ABCD2: variants seen among roughly 807,000 people sequenced by gnomAD.
ABCD2 encodes the protein ATP binding cassette subfamily D member 2, also known as ATP-binding cassette sub-family D member 2.
Under a neutral mutation model 70.9 loss-of-function variants are expected in ABCD2, and 36 were observed. The observed-to-expected ratio is 0.51, with a 90% CI of 0.39 to 0.67. ABCD2 has a LOEUF of 0.67. Among genes scored for constraint, ABCD2 ranks in the 30% least tolerant of loss-of-function variants. ABCD2 has a pLI of 0.00. For missense variants in ABCD2, 729 were observed against 890.2 expected (o/e 0.82, Z 2.30); for synonymous variants, 304 against 306.9 (o/e 0.99, Z 0.10).
chr12:39,583,669 C>A (rs1346011702), intron 7 of ABCD2, among the ~76,000 whole-genome samples: 1 of 152,122 alleles, frequency 6.6e-6, no homozygotes, highest in Non-Finnish European at 1.5e-5. Flanking sequence ...TCTCCCTCCT[C>A]CTACCCTCCA....
Position 39,619,781 on chromosome 12 carries a change from A to G in ABCD2, c.-166T>C. On this transcript the variant is annotated 5_prime_UTR_variant, in exon 1 of 10. Coordinates refer to ENST00000308666, the MANE Select transcript of ABCD2 (RefSeq NM_005164.4). ...TTTGTTCTGCTGTGACAGATGCAGC[A>G]GAGCTCAGACTCCGCTGCATCTACC... 1.6e-6 allele frequency: 1 copy of G among 639,384 alleles called. No individual in the cohort carries two copies. 39.6% of individuals were successfully genotyped at this position (639,384 alleles called of 1,614,324 possible).
intron 9 of ABCD2, among the ~76,000 whole-genome samples, chr12:39,568,729 T>C (rs1250015747): frequency 6.6e-6 from 1 of 152,206 alleles, no homozygotes; most frequent in Non-Finnish European, 1.5e-5. Flanking sequence ...CCAGTTTTTC[T>C]GCTCTGTTTT....
At chr12:39,605,013 T>C (rs1209045881) in intron 3 of ABCD2, 83 bp from the exon 4 acceptor site, 9 of 1,148,394 alleles carry the variant, frequency 7.8e-6, no homozygotes, top group Non-Finnish European at 1.1e-5. Flanking sequence ...ATAAGCTTCT[T>C]GACTTAATGT....
chr12:39,619,533 G>A lies in ABCD2; in HGVS notation c.83C>T (p.Ala28Val). 2 of 1,611,838 alleles carry A rather than the reference G, an allele frequency of 1.2e-6. No homozygotes were observed. Among genetic ancestry groups the A allele is most frequent in the Non-Finnish European group, 1.7e-6 (2 of 1,180,012 alleles). Residue 28 changes from alanine to valine, a missense_variant, in exon 1 of 10, where the codon GCT becomes GTT. This residue lies in a region of ABCD2 where 245 missense variants were observed against 261.2 expected (regional missense o/e 0.94). Transcript: ENST00000308666. Reference protein sequence around the residue: ...SAAKRAACLVAAAYALKTLYP... With the variant: ...SAAKRAACLVVAAYALKTLYP... Reference sequence around the variant, plus strand: ...GAGGGTTTTCAGAGCATATGCCGCAGCCACCAGGCAGGCAGCCCTCTTAGC... The same window carrying A: ...GAGGGTTTTCAGAGCATATGCCGCAACCACCAGGCAGGCAGCCCTCTTAGC...
intron 9 of ABCD2, among the ~76,000 whole-genome samples, chr12:39,555,361 G>T (rs1315838315): frequency 6.6e-6 from 1 of 152,124 alleles, no homozygotes; most frequent in Non-Finnish European, 1.5e-5. Flanking sequence ...GGAGGAAGAT[G>T]GTGGAATAGG....
the ABCD2 span, among the ~76,000 whole-genome samples, chr12:39,531,887 C>T: frequency 6.6e-6 from 1 of 152,258 alleles, no homozygotes; most frequent in Non-Finnish European, 1.5e-5. Flanking sequence ...ATTGAAAAAT[C>T]GCTGAACGTT....
chr12:39,600,170 G>A (rs945014859), intron 6 of ABCD2, among the ~76,000 whole-genome samples: 4 of 152,042 alleles, frequency 2.6e-5, no homozygotes, highest in African/African-American at 9.7e-5. Context: ...AAATATAAAT[G>A]AACAATTTTA....
chr12:39,586,714 A>C (rs1056604144), intron 6 of ABCD2, among the ~76,000 whole-genome samples: 1 of 152,170 alleles, frequency 6.6e-6, no homozygotes, highest in Non-Finnish European at 1.5e-5. Flanking sequence ...CATTTTCAGC[A>C]GGGAAATATT....
chr12:39,544,423 A>G, the ABCD2 span, among the ~76,000 whole-genome samples: 42 of 152,284 alleles, frequency 2.8e-4, no homozygotes, highest in African/African-American at 9.4e-4. Context: ...TCCTACAAAG[A>G]CAATCTAGTC....
intron 7 of ABCD2, among the ~76,000 whole-genome samples, chr12:39,584,913 T>C (rs569240850): frequency 6.6e-6 from 1 of 152,324 alleles, no homozygotes; most frequent in Non-Finnish European, 1.5e-5. Flanking sequence ...CTGTTTTGGT[T>C]ACTGTAGACT....
At chr12:39,534,940 G>T in the ABCD2 span, among the ~76,000 whole-genome samples, 81 of 107,230 alleles carry the variant, frequency 7.6e-4, 1 homozygote, top group African/African-American at 2.6e-3. Flanking sequence ...AAGAAAGAAA[G>T]AAAGAAAGAA....
chr12:39,616,443 A>T (rs780738016), intron 2 of ABCD2, among the ~76,000 whole-genome samples: 6 of 152,048 alleles, frequency 3.9e-5, no homozygotes, highest in Admixed American at 6.6e-5. Context: ...GCTGCATAAG[A>T]GGTTATCTGT....
At chr12:39,615,843 A>G (rs923550772) in intron 2 of ABCD2, among the ~76,000 whole-genome samples, 8 of 152,132 alleles carry the variant, frequency 5.3e-5, no homozygotes, top group African/African-American at 1.7e-4. Context: ...CAAAATAACT[A>G]TAAAACAGTG....
intron 7 of ABCD2, among the ~76,000 whole-genome samples, chr12:39,580,228 G>T (rs1267314366): frequency 6.6e-6 from 1 of 152,154 alleles, no homozygotes; most frequent in Non-Finnish European, 1.5e-5. Context: ...GGTGTGAGCT[G>T]CCAGATGGGG....
chr12:39,559,996 T>G (rs553174115), intron 9 of ABCD2, among the ~76,000 whole-genome samples: 11 of 152,128 alleles, frequency 7.2e-5, no homozygotes, highest in African/African-American at 2.2e-4. Context: ...TATAAAGGGG[T>G]TATGTAAATC....
At chr12:39,591,850 A>T (rs1266294707) in intron 6 of ABCD2, among the ~76,000 whole-genome samples, 2 of 152,216 alleles carry the variant, frequency 1.3e-5, no homozygotes, top group South Asian at 2.1e-4. Context: ...CTGATATTTG[A>T]CCTATAAAAA....
At chr12:39,601,448 T>G (rs573729165) in intron 5 of ABCD2, among the ~76,000 whole-genome samples, 80 of 152,032 alleles carry the variant, frequency 5.3e-4, no homozygotes, top group Middle Eastern at 3.4e-3. Context: ...TATTGGATGC[T>G]TCCCTTTATT....
intron 1 of ABCD2, among the ~76,000 whole-genome samples, chr12:39,617,659 T>C (rs1942134690): frequency 6.6e-6 from 1 of 152,182 alleles, no homozygotes; most frequent in African/African-American, 2.4e-5. Context: ...TATAATACAA[T>C]ATATGAGGTC....
chr12:39,588,718 C>T (rs1482306135), intron 6 of ABCD2, among the ~76,000 whole-genome samples: 1 of 150,956 alleles, frequency 6.6e-6, no homozygotes, highest in East Asian at 1.9e-4. Context: ...AATCACATCA[C>T]GGAGAAACTA....
Sources: allele counts gnomAD v4.1 joint callset (sites outside exome capture counted in the v4.1 genomes callset), GRCh38; gene constraint gnomAD v4.1.1; regional missense constraint gnomAD v4.1.1; transcripts MANE v1.5; gene names NCBI Gene and HGNC (gene_info 2026-07-23, HGNC 2026-07-21).